The following LPP variants were observed in gnomAD, a reference collection of about 807,000 sequenced individuals.
LPP encodes the protein LIM domain containing preferred translocation partner in lipoma.
In LPP, 38 loss-of-function variants were observed where a neutral mutation model predicts 60.4. The observed-to-expected ratio is 0.63, with a 90% CI of 0.49 to 0.83. The LOEUF is 0.83. Among genes scored for constraint, LPP ranks in the 40% least tolerant of loss-of-function variants. The probability of loss-of-function intolerance (pLI) is 0.00; values close to 1 mark genes in which losing one functional copy is unlikely to be tolerated. For missense variants in LPP, 902 were observed against 783.6 expected (o/e 1.15, Z -1.80); for synonymous variants, 328 against 290.8 (o/e 1.13, Z -1.30).
intron 6 of LPP, among the ~76,000 whole-genome samples, chr3:188,546,056 G>T (rs999192239): frequency 2.0e-5 from 3 of 152,068 alleles, no homozygotes; most frequent in Admixed American, 6.6e-5. Context: ...CTTAATATCT[G>T]CCAGACATGT....
chr3:188,339,896 A>G (rs1762596844), intron 2 of LPP, among the ~76,000 whole-genome samples: 1 of 152,202 alleles, frequency 6.6e-6, no homozygotes, highest in Non-Finnish European at 1.5e-5. Flanking sequence ...TTATGGTAAC[A>G]CTGCATCAAA....
intron 6 of LPP, among the ~76,000 whole-genome samples, chr3:188,541,440 T>C (rs1825146874): frequency 6.6e-6 from 1 of 152,158 alleles, no homozygotes; most frequent in South Asian, 2.1e-4. Context: ...CTTGCCCTAG[T>C]GTCAAAAGTG....
chr3:188,829,746 C>T (rs567153365), intron 9 of LPP, among the ~76,000 whole-genome samples: 13 of 152,288 alleles, frequency 8.5e-5, no homozygotes, highest in African/African-American at 3.1e-4. Context: ...GTTGAATGAC[C>T]TGAGTCCTCA....
intron 2 of LPP, among the ~76,000 whole-genome samples, chr3:188,249,897 ATATATT>A (rs796550761): frequency 0.017 from 2,340 of 135,154 alleles, 69 homozygotes; most frequent in African/African-American, 0.064. Context: ...ATATATATAT[ATATATT>A]TTTTTTTTTT....
At chr3:188,740,697 A>G (rs1724104757) in intron 8 of LPP, among the ~76,000 whole-genome samples, 1 of 151,978 alleles carries the variant, frequency 6.6e-6, no homozygotes, top group Admixed American at 6.6e-5. Flanking sequence ...AACTTATTTG[A>G]TGTGTGCTCA....
rs748854973 is a variant in LPP, at chr3:188,609,207, C to T, written c.476C>T (p.Thr159Ile). 1 of 1,613,860 alleles carries T rather than the reference C, an allele frequency of 6.2e-7. No individual in the cohort carries two copies. The highest frequency in any genetic ancestry group is 8.5e-7 in the Non-Finnish European group (1 of 1,179,870). ...TCTCCTCCAGTTTCGACCCCAGTCA[C>T]AGGACACAAGAGAATGGTCATCCCG... ...TASPPVSTPV[T>I]GHKRMVIPNQ... is the part of the protein sequence containing the mutation. Residue 159 changes from threonine (T) to isoleucine (I), a missense_variant, in exon 7 of 12, where the codon ACA (threonine) becomes ATA (isoleucine). Transcript: ENST00000617246. This position sits in a 1 kb window ranked among gnomAD's most constrained non-coding sequence, Gnocchi z 6.9.
At chr3:188,203,798 C>A (rs938145607) in intron 1 of LPP, among the ~76,000 whole-genome samples, 1 of 150,588 alleles carries the variant, frequency 6.6e-6, no homozygotes, top group African/African-American at 2.4e-5. Flanking sequence ...TAAATTACAC[C>A]CACTTTGGGG....
chr3:188,867,200 G>C (rs1267600747), intron 10 of LPP, among the ~76,000 whole-genome samples: 3 of 150,128 alleles, frequency 2.0e-5, no homozygotes, highest in South Asian at 4.2e-4. Flanking sequence ...GTTTTGTATT[G>C]TGCTTATTTT....
At chr3:188,619,642 G>A (rs967046437) in intron 7 of LPP, among the ~76,000 whole-genome samples, 3 of 152,190 alleles carry the variant, frequency 2.0e-5, no homozygotes, top group African/African-American at 4.8e-5. Context: ...AACAGAGACC[G>A]TATGGCCTAC....
rs111405205 is a variant in LPP, at chr3:188,733,750, A to G, written c.1240+25357A>G. On this transcript the variant is annotated intron_variant, in intron 8 of 11. Transcript: ENST00000617246. The stretch of plus-strand genomic sequence containing the variant: ...AACGTTTTCAGGTTCTTCAGTGATT[A>G]TTAGGCTACTGAAGTGTTTTTGTGG... Among the ~76,000 whole-genome samples the G allele has an allele frequency of 5.6e-4, 85 of 151,898 alleles. 2 individuals carry two copies. The highest frequency in any genetic ancestry group is 1.9e-3 in the African/African-American group (79 of 41,512).
At chr3:188,792,251 G>A (rs11921799) in intron 9 of LPP, among the ~76,000 whole-genome samples, 3,721 of 152,218 alleles carry the variant, frequency 0.024, 144 homozygotes, top group African/African-American at 0.084. Context: ...AATGGTTCCC[G>A]CTTGGAGAAA....
chr3:188,411,605 A>G (rs1477594983), intron 4 of LPP, among the ~76,000 whole-genome samples: 1 of 152,014 alleles, frequency 6.6e-6, no homozygotes, highest in African/African-American at 2.4e-5. Context: ...AGATAATGCA[A>G]TTTTTCTTCT....
At chr3:188,473,659 CA>C (rs1802423392) in intron 4 of LPP, among the ~76,000 whole-genome samples, 2 of 152,210 alleles carry the variant, frequency 1.3e-5, no homozygotes, top group East Asian at 3.8e-4. Context: ...TAAGTATTTT[CA>C]AATTCTGTCT....
intron 3 of LPP, among the ~76,000 whole-genome samples, chr3:188,349,555 A>C (rs1765290550): frequency 1.3e-5 from 2 of 152,170 alleles, no homozygotes; most frequent in Non-Finnish European, 2.9e-5. Context: ...CTGTCTCATC[A>C]ATCTTTCTGC....
At position 188,205,994 on chromosome 3, in the gene LPP, G is replaced by A. The variant is rs116191909; in HGVS notation, c.-189-19411G>A. The stretch of plus-strand genomic sequence containing the variant: ...CATATAAAAGTTAAAAAACCACTGT[G>A]TCTACCCTTCCTTTTGCTAACACTG... On this transcript the variant is annotated intron_variant, in intron 1 of 11. Coordinates refer to ENST00000617246, the MANE Select transcript of LPP (RefSeq NM_001375462.1). Among the ~76,000 whole-genome samples the A allele has an allele frequency of 3.2e-3, 493 of 152,300 alleles. 4 individuals carry two copies. Among genetic ancestry groups the A allele is most frequent in the African/African-American group, 0.011 (460 of 41,558 alleles).
chr3:188,515,717 C>T (rs1416992294), intron 5 of LPP, among the ~76,000 whole-genome samples: 3 of 152,082 alleles, frequency 2.0e-5, no homozygotes, highest in Admixed American at 2.0e-4. Flanking sequence ...ATGTCCTTCT[C>T]GGATATTAAT....
chr3:188,823,476 G>A (rs1398521323), intron 9 of LPP, among the ~76,000 whole-genome samples: 3 of 152,064 alleles, frequency 2.0e-5, no homozygotes, highest in African/African-American at 7.2e-5. Flanking sequence ...CACAGACTTG[G>A]GGGGAGCAGA....
intron 4 of LPP, among the ~76,000 whole-genome samples, chr3:188,441,045 T>C (rs1036369677): frequency 8.0e-5 from 12 of 150,174 alleles, no homozygotes; most frequent in Admixed American, 6.0e-4. Flanking sequence ...TGTGTGTGTG[T>C]GCGTGCCTGT....
chr3:188,371,636 TATATA>T (rs1409079156), intron 3 of LPP, among the ~76,000 whole-genome samples: 2 of 34,330 alleles, frequency 5.8e-5, no homozygotes, highest in African/African-American at 7.4e-5. Flanking sequence ...TATATATATA[TATATA>T]TTTTTTTTTT....
Sources: allele counts gnomAD v4.1 joint callset (sites outside exome capture counted in the v4.1 genomes callset), GRCh38; gene constraint gnomAD v4.1.1; non-coding constraint Gnocchi (gnomAD v3.1); transcripts MANE v1.5; gene names NCBI Gene and HGNC (gene_info 2026-07-23, HGNC 2026-07-21).